Variants in NAA20 observed in about 807,000 individuals in gnomAD.
The protein encoded by NAA20 is N-alpha-acetyltransferase 20.
NAA20 carries 24 observed loss-of-function variants against 23.8 expected under a neutral mutation model. That is an observed-to-expected ratio of 1.01 (90% CI 0.73 to 1.42). NAA20 has a LOEUF of 1.42. NAA20 is among the 40% of genes most tolerant of loss of function. NAA20 has a pLI of 0.00. For missense variants in NAA20, 166 were observed against 223.1 expected, an observed-to-expected ratio of 0.74 and a Z score of 1.63; for synonymous variants, 83 against 77.7, an observed-to-expected ratio of 1.07 and a Z score of -0.36.
rs2043309831 is a variant in NAA20, at chr20:20,026,839, A to C, written c.225A>C (p.Thr75=). 1.2e-6 allele frequency: 2 copies of C among 1,614,234 alleles called. No individual in the cohort carries two copies. Among genetic ancestry groups the C allele is most frequent in the South Asian group, 1.1e-5 (1 of 91,088 alleles). The change falls in exon 4 of 6, where the codon ACA becomes ACC. Residue 75 remains threonine, a synonymous_variant. Transcript: ENST00000334982. The part of the protein sequence containing the change: ...VAREEWHGHV[T]ALSVAPEFRR... ...GGGAAGAATGGCACGGGCACGTCAC[A>C]GCTCTGTCTGTTGCCCCAGAATTTC... is the stretch of plus-strand genomic sequence containing the variant.
intron 1 of NAA20, among the ~76,000 whole-genome samples, chr20:20,021,637 G>A (rs1426131912): frequency 1.3e-5 from 2 of 152,170 alleles, no homozygotes; most frequent in Admixed American, 6.5e-5. Context: ...ACTTTTTAGC[G>A]TAAAGGAGTT....
chr20:20,019,124 G>A (rs2043251491), intron 1 of NAA20, among the ~76,000 whole-genome samples: 1 of 152,128 alleles, frequency 6.6e-6, no homozygotes, highest in Admixed American at 6.5e-5. Flanking sequence ...TTGGTTTTTC[G>A]TTTTCACTTA....
intron 2 of NAA20, among the ~76,000 whole-genome samples, chr20:20,024,922 C>A (rs996174104): frequency 1.3e-5 from 2 of 152,052 alleles, no homozygotes; most frequent in Non-Finnish European, 1.5e-5. Flanking sequence ...TAAATTGCAT[C>A]AGAAAGTTTA....
chr20:20,021,515 A>G (rs2043268365), intron 1 of NAA20, among the ~76,000 whole-genome samples: 1 of 152,112 alleles, frequency 6.6e-6, no homozygotes, highest in East Asian at 1.9e-4. Context: ...TTTTTGGTAA[A>G]GGTATTTGTG....
intron 3 of NAA20, 29 bp downstream of exon 3, chr20:20,025,796 G>A (rs1223971928): frequency 7.1e-7 from 1 of 1,410,390 alleles, no homozygotes. Context: ...GTATTTTGTG[G>A]AGTAGGTAAA....
chr20:20,017,812 T>G lies in NAA20; in HGVS notation c.53+363T>G, dbSNP rs1022061122. ...GCGGCCTGGAGCCCACGACCTGGGC[T>G]TCTCGCCCTGCCCTACTGCTTGCTG... is the stretch of plus-strand genomic sequence containing the variant. On this transcript the variant is annotated intron_variant, in intron 1 of 5. Coordinates refer to ENST00000334982, the MANE Select transcript of NAA20 (RefSeq NM_016100.5). The G allele has an allele frequency of 5.5e-6, 8 of 1,466,242 alleles. No individual in the cohort carries two copies. The Admixed American group carries it at 1.4e-4, about 26-fold the overall frequency. 90.8% of individuals were successfully genotyped at this position (1,466,242 alleles called of 1,614,324 possible). A position where few individuals can be genotyped will look rare whatever the true frequency, so the allele number is the denominator to read the frequency against.
chr20:20,018,811 AC>A, intron 1 of NAA20: 4 of 794,626 alleles, frequency 5.0e-6, no homozygotes, highest in Non-Finnish European at 6.1e-6. Context: ...AGGTGCTGTC[AC>A]CCCCATTTTG....
chr20:20,033,109 G>T lies in NAA20; in HGVS notation c.459G>T (p.Arg153Ser). The change falls in exon 6 of 6, where the codon AGG (arginine) becomes AGT (serine). Residue 153 changes from arginine to serine, a missense_variant. Transcript: ENST00000334982. The part of the protein sequence containing the change: ...GEPDEDAYDM[R>S]KALSRDTEKK... ...AACTTTGCTTCTTTACAGATATGAG[G>T]AAAGCACTTTCCAGGGATACTGAGA... is the stretch of plus-strand genomic sequence containing the variant. 3.7e-6 allele frequency: 6 copies of T among 1,612,320 alleles called. No individual in the cohort carries two copies. The highest frequency in any genetic ancestry group is 5.1e-6 in the Non-Finnish European group (6 of 1,178,496).
chr20:20,032,550 C>A lies in NAA20; in HGVS notation c.348C>A (p.Asn116Lys). The change falls in exon 5 of 6, where the codon AAC becomes AAA. Residue 116 changes from asparagine (N) to lysine (K), a missense_variant. Physicochemically the swap from Asn to Lys is moderately conservative, Grantham distance 94. Coordinates refer to ENST00000334982, the MANE Select transcript of NAA20 (RefSeq NM_016100.5). The stretch of plus-strand genomic sequence containing the variant: ...TGGATCTCTTTGTAAGAGTATCTAA[C>A]CAAGTTGCAGTTAACATGTACAAGC... Reference protein sequence around the residue: ...FFVDLFVRVSNQVAVNMYKQL... With the variant: ...FFVDLFVRVSKQVAVNMYKQL... 6.2e-7 allele frequency: 1 copy of A among 1,613,212 alleles called. No individual in the cohort carries two copies. Among genetic ancestry groups the A allele is most frequent in the Non-Finnish European group, 8.5e-7 (1 of 1,179,562 alleles).
At chr20:20,019,682 C>G (rs1269417030) in intron 1 of NAA20, among the ~76,000 whole-genome samples, 1 of 152,106 alleles carries the variant, frequency 6.6e-6, no homozygotes, top group Non-Finnish European at 1.5e-5. Context: ...GCTCCCAGGC[C>G]CAGGCAATCC....
intron 1 of NAA20, chr20:20,018,822 G>C: frequency 1.1e-6 from 1 of 906,654 alleles, no homozygotes; most frequent in Non-Finnish European, 1.3e-6. Context: ...CCCCCATTTT[G>C]TGTATGAGTA....
intron 3 of NAA20, 109 bp from the exon 4 acceptor site, chr20:20,026,675 A>G (rs890881937): frequency 1.5e-5 from 21 of 1,424,782 alleles, no homozygotes; most frequent in Non-Finnish European, 1.9e-5. Context: ...GGTACTTAAA[A>G]ACTTCTTTAT....
intron 1 of NAA20, chr20:20,017,720 G>A (rs1038457589): frequency 2.1e-6 from 3 of 1,430,666 alleles, no homozygotes; most frequent in South Asian, 3.0e-5. Flanking sequence ...AGGTTCTGGG[G>A]CAGCGCTCGG....
Position 20,033,516 on chromosome 20 carries a change from C to G in NAA20, c.*329C>G, listed in dbSNP as rs1348148401. 8 of 214,880 alleles carry G rather than the reference C, an allele frequency of 3.7e-5. No individual in the cohort carries two copies. The highest frequency in any genetic ancestry group is 1.1e-4 in the Admixed American group (2 of 18,754). The allele number at this position is 214,880 out of a possible 1,614,324, so 13.3% of individuals were successfully genotyped here. On this transcript the variant is annotated 3_prime_UTR_variant, in exon 6 of 6. Coordinates refer to ENST00000334982, the MANE Select transcript of NAA20 (RefSeq NM_016100.5). ...TCCTCCTCAGTTCTGTGCCTGAGAA[C>G]CACTGCTGCATATATTTGTTTTTAA...
intron 1 of NAA20, 23 bp from the exon 2 acceptor site, chr20:20,022,433 G>A (rs545556134): frequency 6.3e-7 from 1 of 1,586,124 alleles, no homozygotes; most frequent in Admixed American, 1.9e-5. Flanking sequence ...GCTTACTAGA[G>A]ACATTTCTCT....
chr20:20,025,989 T>A (rs1247225531), intron 3 of NAA20, among the ~76,000 whole-genome samples: 1 of 145,440 alleles, frequency 6.9e-6, no homozygotes, highest in Non-Finnish European at 1.5e-5. Flanking sequence ...CTTAAATCTT[T>A]CATTCTAAAA....
At chr20:20,027,034 C>T (rs1189769473) in intron 4 of NAA20, 115 bp downstream of exon 4, 1 of 1,320,736 alleles carries the variant, frequency 7.6e-7, no homozygotes, top group Non-Finnish European at 1.1e-6. Context: ...CATCTTCCAT[C>T]TCCAGTAGTC....
intron 4 of NAA20, among the ~76,000 whole-genome samples, chr20:20,029,629 A>G (rs1225528318): frequency 6.6e-6 from 1 of 152,112 alleles, no homozygotes; most frequent in East Asian, 1.9e-4. Context: ...AAAAAAAAAA[A>G]AAAATAGCGA....
Position 20,020,240 on chromosome 20 carries a change from G to A in NAA20, c.54-2216G>A, listed in dbSNP as rs187180679. Among the ~76,000 whole-genome samples, 370 of 152,318 alleles carry A rather than the reference G, an allele frequency of 2.4e-3. 2 individuals carry two copies. The highest frequency in any genetic ancestry group is 3.2e-3 in the Non-Finnish European group (218 of 68,032). On this transcript the variant is annotated intron_variant, in intron 1 of 5. Coordinates refer to ENST00000334982, the MANE Select transcript of NAA20 (RefSeq NM_016100.5). ...CACACCTTGGGAATCACAGTGCGGG[G>A]AGTCATGTGGAACTTAGTGTTCAGT...
Sources: gnomAD v4.1 joint callset for allele counts (sites outside exome capture counted in the v4.1 genomes callset) on GRCh38, gnomAD v4.1.1 for gene constraint, MANE v1.5 for transcripts, NCBI Gene and HGNC (gene_info 2026-07-23, HGNC 2026-07-21) for gene names.